Variants in PALM2AKAP2 observed in about 807,000 individuals in gnomAD.
PALM2AKAP2 encodes PALM2-AKAP2 fusion protein.
In PALM2AKAP2, 37 loss-of-function variants were observed where a neutral mutation model predicts 71.5. The ratio of observed to expected loss-of-function variants is 0.52; its 90% CI spans 0.40 to 0.68. The LOEUF (loss-of-function observed/expected upper bound fraction) is 0.68, where lower values mean the gene tolerates loss of function less well. Among genes scored for constraint, PALM2AKAP2 ranks in the 30% least tolerant of loss-of-function variants. PALM2AKAP2 has a pLI of 0.00. For synonymous variants in PALM2AKAP2, 468 were observed against 478.8 expected, an observed-to-expected ratio of 0.98 and a Z score of 0.29; for missense variants, 1,224 against 1,191.8, an observed-to-expected ratio of 1.03 and a Z score of -0.40.
intron 1 of PALM2AKAP2, among the ~76,000 whole-genome samples, chr9:109,731,491 T>C (rs1403035991): frequency 6.6e-6 from 1 of 152,206 alleles, no homozygotes; most frequent in Non-Finnish European, 1.5e-5. Context: ...GTAAAAAGAA[T>C]GGTGAACTAG....
chr9:110,076,513 G>GTATATATATTCTACATATATATA (rs1258256647), intron 1 of PALM2AKAP2, among the ~76,000 whole-genome samples: 2 of 76,712 alleles, frequency 2.6e-5, no homozygotes, highest in African/African-American at 1.6e-4. Flanking sequence ...ATATATATAG[G>GTATATATATTCTACATATATATA]TATATATACC....
At chr9:109,810,840 T>C (rs1417729289) in intron 1 of PALM2AKAP2, among the ~76,000 whole-genome samples, 1 of 152,014 alleles carries the variant, frequency 6.6e-6, no homozygotes, top group Non-Finnish European at 1.5e-5. Flanking sequence ...AGTGCACAAA[T>C]AGAGAGGCTG....
intron 1 of PALM2AKAP2, among the ~76,000 whole-genome samples, chr9:109,679,366 T>A (rs1340859241): frequency 6.6e-6 from 1 of 152,214 alleles, no homozygotes; most frequent in Non-Finnish European, 1.5e-5. Context: ...GTTCCTTCCC[T>A]AGCCAGATGA....
chr9:110,029,228 T>G (rs1226263508), intron 7 of PALM2AKAP2, among the ~76,000 whole-genome samples: 1 of 152,228 alleles, frequency 6.6e-6, no homozygotes, highest in African/African-American at 2.4e-5. Flanking sequence ...ACCCTTTACC[T>G]CAATCTGGGT....
chr9:109,969,287 C>T (rs531544373), intron 6 of PALM2AKAP2, among the ~76,000 whole-genome samples: 2 of 152,354 alleles, frequency 1.3e-5, no homozygotes, highest in East Asian at 1.9e-4. Context: ...GCTCTCCCCA[C>T]ACCTTGTGCT....
At chr9:109,741,126 G>C (rs1828710786) in intron 1 of PALM2AKAP2, among the ~76,000 whole-genome samples, 1 of 152,110 alleles carries the variant, frequency 6.6e-6, no homozygotes, top group Non-Finnish European at 1.5e-5. Flanking sequence ...TATTTGTGAT[G>C]CTTTCTAGTC....
At chr9:110,143,936 GCTGT>G (rs1187156115) in intron 2 of PALM2AKAP2, among the ~76,000 whole-genome samples, 1 of 152,216 alleles carries the variant, frequency 6.6e-6, no homozygotes, top group African/African-American at 2.4e-5. Flanking sequence ...GACTTCTGCT[GCTGT>G]CTGTTTAGAT....
At chr9:110,032,322 G>A (rs1230782650) in intron 7 of PALM2AKAP2, among the ~76,000 whole-genome samples, 4 of 152,144 alleles carry the variant, frequency 2.6e-5, no homozygotes, top group African/African-American at 9.7e-5. Flanking sequence ...ACTTTGGGAG[G>A]CTGAGGCAGG....
intron 1 of PALM2AKAP2, among the ~76,000 whole-genome samples, chr9:110,068,690 C>G (rs1306928420): frequency 1.3e-5 from 2 of 152,026 alleles, no homozygotes; most frequent in African/African-American, 4.8e-5. Context: ...CGCCACCATG[C>G]CTGGCTAATT....
chr9:109,811,957 C>T (rs1827737829), intron 1 of PALM2AKAP2, among the ~76,000 whole-genome samples: 1 of 152,228 alleles, frequency 6.6e-6, no homozygotes, highest in South Asian at 2.1e-4. Context: ...GTGCTGTTGG[C>T]AGAAGGGACA....
intron 3 of PALM2AKAP2, among the ~76,000 whole-genome samples, chr9:109,889,908 A>G (rs767205856): frequency 5.9e-5 from 9 of 152,208 alleles, no homozygotes; most frequent in Non-Finnish European, 1.0e-4. Flanking sequence ...CAATTGCTGC[A>G]ATGGAAGGAA....
At chr9:109,784,244 G>A (rs759121744) in intron 1 of PALM2AKAP2, among the ~76,000 whole-genome samples, 32 of 152,236 alleles carry the variant, frequency 2.1e-4, no homozygotes, top group Admixed American at 4.6e-4. Flanking sequence ...TTCACCTAAC[G>A]TTATTTATAG....
intron 3 of PALM2AKAP2, among the ~76,000 whole-genome samples, chr9:110,165,941 A>T (rs975436645): frequency 2.0e-5 from 3 of 152,232 alleles, no homozygotes; most frequent in African/African-American, 7.2e-5. Flanking sequence ...GACAAAGAAC[A>T]TTCCAAGAGG....
At chr9:109,865,039 A>G (rs1461091994) in intron 1 of PALM2AKAP2, among the ~76,000 whole-genome samples, 1 of 142,186 alleles carries the variant, frequency 7.0e-6, no homozygotes, top group African/African-American at 2.6e-5. Flanking sequence ...TTGTTCACCT[A>G]GTTCCTTTTG....
chr9:110,078,013 CAA>C (rs34622810), intron 1 of PALM2AKAP2, among the ~76,000 whole-genome samples: 38 of 97,504 alleles, frequency 3.9e-4, no homozygotes, highest in Non-Finnish European at 3.1e-4. Flanking sequence ...GACTCAGTCT[CAA>C]AAAAAAAAAA....
chr9:109,864,002 C>T (rs998462446), intron 1 of PALM2AKAP2, among the ~76,000 whole-genome samples: 1 of 151,938 alleles, frequency 6.6e-6, no homozygotes, highest in African/African-American at 2.4e-5. Flanking sequence ...ATTGCTTGAA[C>T]TCAGGAAGCA....
intron 1 of PALM2AKAP2, among the ~76,000 whole-genome samples, chr9:110,053,028 C>T (rs1232933880): frequency 1.3e-5 from 2 of 152,118 alleles, no homozygotes; most frequent in Non-Finnish European, 1.5e-5. Flanking sequence ...TATACTTTCT[C>T]CAGGGTTTGG....
chr9:109,934,690 A>G (rs1831181576), intron 6 of PALM2AKAP2, among the ~76,000 whole-genome samples: 1 of 152,138 alleles, frequency 6.6e-6, no homozygotes, highest in Non-Finnish European at 1.5e-5. Context: ...GTGGCCTTTC[A>G]GCTTCAGTTT....
At chr9:109,691,911 CAT>C (rs1228934218) in intron 1 of PALM2AKAP2, among the ~76,000 whole-genome samples, 703 of 59,976 alleles carry the variant, frequency 0.012, 16 homozygotes, top group African/African-American at 0.037. Context: ...TACACACACA[CAT>C]ATATATATAT....
Sources: gnomAD v4.1 joint callset for allele counts (sites outside exome capture counted in the v4.1 genomes callset) on GRCh38, gnomAD v4.1.1 for gene constraint, MANE v1.5 for transcripts, NCBI Gene and HGNC (gene_info 2026-07-23, HGNC 2026-07-21) for gene names.